ANGPT2: variants seen among roughly 807,000 people sequenced by gnomAD.
The protein encoded by ANGPT2 is angiopoietin-2.
ANGPT2 carries 28 observed loss-of-function variants against 62.9 expected under a neutral mutation model. The observed-to-expected ratio is 0.44, with a 90% CI of 0.33 to 0.61. The LOEUF is 0.61. Ranked by LOEUF, ANGPT2 falls within the 20% of genes least tolerant of loss-of-function variation. The pLI is 0.03. For synonymous variants in ANGPT2, 284 were observed against 207.8 expected, an observed-to-expected ratio of 1.37 and a Z score of -3.15; for missense variants, 727 against 594.9, an observed-to-expected ratio of 1.22 and a Z score of -2.31.
chr8:6,532,367 C>T lies in ANGPT2; in HGVS notation c.409G>A (p.Glu137Lys), dbSNP rs370433128. 1.9e-6 allele frequency: 3 copies of T among 1,614,040 alleles called. No individual in the cohort carries two copies. The highest frequency in any genetic ancestry group is 2.5e-6 in the Non-Finnish European group (3 of 1,180,014). The change falls in exon 2 of 9, where the codon GAG (glutamate) becomes AAG (lysine). Residue 137 changes from glutamate to lysine, a missense_variant. Physicochemically the swap from Glu to Lys is moderately conservative, Grantham distance 56. Coordinates refer to ENST00000629816, the MANE Select transcript of ANGPT2 (RefSeq NM_001118887.2). ...ACATCAGTTAACTTCCGCGTTTGCTCCGCTGTTTGGTTCAACAGGTTTGTC... is the reference window on the plus strand; with the variant it reads ...ACATCAGTTAACTTCCGCGTTTGCTTCGCTGTTTGGTTCAACAGGTTTGTC... ...IGTNLLNQTA[E>K]QTRKLTDVEA...
At chr8:6,532,099 C>A (rs1819629572) in intron 2 of ANGPT2, among the ~76,000 whole-genome samples, 1 of 152,190 alleles carries the variant, frequency 6.6e-6, no homozygotes, top group South Asian at 2.1e-4. Context: ...ACTCACATGT[C>A]TTCAGTAGAT....
chr8:6,538,732 A>G (rs1032507740), intron 1 of ANGPT2, among the ~76,000 whole-genome samples: 2 of 152,160 alleles, frequency 1.3e-5, no homozygotes, highest in African/African-American at 2.4e-5. Context: ...TTCATTTTAA[A>G]TCTCCACAGA....
rs117800621 is a variant in ANGPT2 at position 6,555,652 on chromosome 8, G to A, written c.288+6995C>T. ...GATTTTTATATTTTTTGGTAGAGAC[G>A]GGGTTTCATCGTGTTGGCCAGGCTG... On this transcript the variant is annotated intron_variant, in intron 1 of 8. Transcript: ENST00000629816. 9.3e-3 allele frequency among the ~76,000 whole-genome samples: 1,420 copies of A among 151,978 alleles called. 9 individuals carry two copies. Among genetic ancestry groups the A allele is most frequent in the Non-Finnish European group, 0.015 (1,036 of 67,946 alleles).
At chr8:6,540,032 C>G (rs1821255549) in intron 1 of ANGPT2, among the ~76,000 whole-genome samples, 1 of 152,194 alleles carries the variant, frequency 6.6e-6, no homozygotes, top group Non-Finnish European at 1.5e-5. Context: ...TGGGCCTCAG[C>G]TGGTGGCATT....
rs969029240 is a variant in ANGPT2 at position 6,523,239 on chromosome 8, C to T, written c.567-1829G>A. 4.6e-5 allele frequency among the ~76,000 whole-genome samples: 7 copies of T among 152,222 alleles called. No homozygotes were observed. In the South Asian group the frequency reaches 8.3e-4, roughly 18 times the overall value. On this transcript the variant is annotated intron_variant, in intron 3 of 8. Transcript: ENST00000629816. ...GTCTCGATCTCCTGACCTCGTGATC[C>T]GCCCGCCCCTGCCTCCCAAAGTGCT...
intron 1 of ANGPT2, among the ~76,000 whole-genome samples, chr8:6,559,264 G>A (rs1394581522): frequency 1.7e-5 from 1 of 59,222 alleles, no homozygotes; most frequent in Non-Finnish European, 5.4e-5. Context: ...CACACACAGA[G>A]TCCCTAGCAA....
intron 8 of ANGPT2, among the ~76,000 whole-genome samples, chr8:6,504,330 A>AAAAG (rs1453533544): frequency 1.3e-5 from 2 of 151,334 alleles, no homozygotes; most frequent in African/African-American, 4.9e-5. Context: ...AAAAAAAAAA[A>AAAAG]AAAAAAAGAA....
intron 2 of ANGPT2, 93 bp downstream of exon 2, chr8:6,532,239 G>C (rs564482848): frequency 2.9e-4 from 423 of 1,451,242 alleles, no homozygotes; most frequent in Admixed American, 8.7e-4. Context: ...GCTTTCTTTA[G>C]TTTCTCATGC....
At chr8:6,503,796 G>T (rs1405243873) in intron 8 of ANGPT2, among the ~76,000 whole-genome samples, 3 of 152,210 alleles carry the variant, frequency 2.0e-5, no homozygotes, top group African/African-American at 7.2e-5. Flanking sequence ...GAGAGTGTGT[G>T]CTCGCTCAGC....
chr8:6,561,990 C>G (rs542988065), intron 1 of ANGPT2, among the ~76,000 whole-genome samples: 1 of 152,164 alleles, frequency 6.6e-6, no homozygotes, highest in East Asian at 1.9e-4. Flanking sequence ...CTGGAACTGA[C>G]GGGGGCTGCA....
chr8:6,513,882 A>AT (rs750975456), intron 6 of ANGPT2, 38 bp from the exon 7 acceptor site: 3 of 1,562,206 alleles, frequency 1.9e-6, no homozygotes, highest in Admixed American at 3.7e-5. Context: ...ATTTCATGTA[A>AT]TTTTTTCTTT....
chr8:6,509,581 G>C (rs891907638), intron 7 of ANGPT2, among the ~76,000 whole-genome samples: 1 of 151,884 alleles, frequency 6.6e-6, no homozygotes, highest in Non-Finnish European at 1.5e-5. Context: ...CCTCATGTCT[G>C]TATAGTAGGG....
intron 1 of ANGPT2, among the ~76,000 whole-genome samples, chr8:6,556,742 T>G (rs889075103): frequency 2.0e-5 from 3 of 152,136 alleles, no homozygotes; most frequent in African/African-American, 7.2e-5. Flanking sequence ...GCCTCCCAAG[T>G]AGCTGGGACC....
intron 1 of ANGPT2, among the ~76,000 whole-genome samples, chr8:6,555,910 G>C (rs971100148): frequency 3.3e-5 from 5 of 152,128 alleles, no homozygotes; most frequent in African/African-American, 1.2e-4. Context: ...TTTCCTAGCA[G>C]CTTCAGCACC....
intron 2 of ANGPT2, among the ~76,000 whole-genome samples, chr8:6,527,937 C>T (rs1818675282): frequency 6.7e-6 from 1 of 148,480 alleles, no homozygotes; most frequent in Admixed American, 6.8e-5. Flanking sequence ...GCTCCATTGC[C>T]CGGGGTGGAG....
intron 1 of ANGPT2, among the ~76,000 whole-genome samples, chr8:6,543,317 C>T (rs1821943125): frequency 6.6e-6 from 1 of 152,196 alleles, no homozygotes; most frequent in Non-Finnish European, 1.5e-5. Flanking sequence ...TGTGTTTGTA[C>T]AGTTACTTTC....
chr8:6,512,260 CA>C (rs999393286), intron 7 of ANGPT2, among the ~76,000 whole-genome samples: 1 of 152,168 alleles, frequency 6.6e-6, no homozygotes, highest in African/African-American at 2.4e-5. Flanking sequence ...GTTGGTTGTT[CA>C]GGCAACTTGA....
intron 8 of ANGPT2, among the ~76,000 whole-genome samples, chr8:6,505,242 ATATATTCTT>A: frequency 8.7e-6 from 1 of 114,420 alleles, no homozygotes; most frequent in African/African-American, 3.9e-5. Context: ...TATATAGAAT[ATATATTCTT>A]TATATATGTT....
In ANGPT2 at chr8:6,499,938, G is replaced by C. The variant is rs776342281; in HGVS notation, c.*3163C>G. ...ACTTCCCTGCAGCTCCCGTAAGTCA[G>C]ATGTTGTTTTACGATGGTAAATGCA... is the stretch of plus-strand genomic sequence containing the variant. On this transcript the variant is annotated 3_prime_UTR_variant, in exon 9 of 9. Transcript: ENST00000629816. The C allele has an allele frequency of 6.2e-7, 1 of 1,611,464 alleles. No individual in the cohort carries two copies. Among genetic ancestry groups the C allele is most frequent in the African/African-American group, 1.3e-5 (1 of 74,888 alleles).
Sources: allele counts gnomAD v4.1 joint callset (sites outside exome capture counted in the v4.1 genomes callset), GRCh38; gene constraint gnomAD v4.1.1; transcripts MANE v1.5; gene names NCBI Gene and HGNC (gene_info 2026-07-23, HGNC 2026-07-21).